EBF3: variants seen among roughly 807,000 people sequenced by gnomAD.
EBF3 encodes the protein EBF transcription factor 3.
A neutral mutation model predicts 77.1 loss-of-function variants in EBF3; 18 were observed. That is an observed-to-expected ratio of 0.23 (90% confidence interval 0.16 to 0.35). The LOEUF (loss-of-function observed/expected upper bound fraction) is 0.35. Ranked by LOEUF, EBF3 falls within the 10% of genes least tolerant of loss-of-function variation. EBF3 has a pLI of 1.00. For missense variants in EBF3, 558 were observed against 860.0 expected, an observed-to-expected ratio of 0.65 and a Z score of 4.39; for synonymous variants, 350 against 343.5, an observed-to-expected ratio of 1.02 and a Z score of -0.21.
chr10:129,870,750 A>C lies in EBF3; in HGVS notation c.781+2702T>G, dbSNP rs1242982197. Among the ~76,000 whole-genome samples the C allele has an allele frequency of 6.6e-6, 1 of 152,150 alleles. No homozygotes were observed. Among genetic ancestry groups the C allele is most frequent in the Non-Finnish European group, 1.5e-5 (1 of 68,040 alleles). On this transcript the variant is annotated intron_variant, in intron 8 of 16. Transcript: ENST00000440978. This position sits in a 1 kb window ranked among gnomAD's most constrained non-coding sequence, Gnocchi z 4.4. ...GCATGTCAAAACGGGAGCGTGACTC[A>C]ACTTGGAAACCCGTGTTGGAGACCC...
intron 7 of EBF3, among the ~76,000 whole-genome samples, chr10:129,877,481 C>CAAAAAA (rs10541156): frequency 2.6e-5 from 2 of 77,248 alleles, no homozygotes; most frequent in Non-Finnish European, 4.8e-5. Flanking sequence ...ACTCTGTCTC[C>CAAAAAA]AAAAAAAAAA....
Position 129,841,551 on chromosome 10 carries a change from A to G in EBF3, c.1373-519T>C, listed in dbSNP as rs1590036142. On this transcript the variant is annotated intron_variant, in intron 13 of 16. Transcript: ENST00000440978. The surrounding 1 kb of genome is among the most constrained non-coding windows in gnomAD (Gnocchi z 4.6). ...TGGATGGACGGGAACAAAATCAGCAATAGTATGGGTGAGGTGTTTTCTAAG... is the reference window on the plus strand; with the variant it reads ...TGGATGGACGGGAACAAAATCAGCAGTAGTATGGGTGAGGTGTTTTCTAAG... Among the ~76,000 whole-genome samples, 3 of 152,172 alleles carry G rather than the reference A, an allele frequency of 2.0e-5. No individual in the cohort carries two copies. Among genetic ancestry groups the G allele is most frequent in the African/African-American group, 7.2e-5 (3 of 41,436 alleles).
chr10:129,947,919 C>A lies in EBF3; in HGVS notation c.554+9339G>T, dbSNP rs1268756157. On this transcript the variant is annotated intron_variant, in intron 6 of 16. Transcript: ENST00000440978. The surrounding 1 kb of genome is among the most constrained non-coding windows in gnomAD (Gnocchi z 4.5). Reference sequence around the variant, plus strand: ...GTATTATCGGTGAGCTAAAAAGTCACAAGAAGACATGCAGGAAACTTAAAT... The same window carrying A: ...GTATTATCGGTGAGCTAAAAAGTCAAAAGAAGACATGCAGGAAACTTAAAT... Among the ~76,000 whole-genome samples, 6 of 152,014 alleles carry A rather than the reference C, an allele frequency of 3.9e-5. No homozygotes were observed. In the East Asian group the frequency reaches 1.2e-3, roughly 29 times the overall value.
At chr10:129,849,889 G>A (rs1053311149) in intron 10 of EBF3, among the ~76,000 whole-genome samples, 2 of 152,224 alleles carry the variant, frequency 1.3e-5, no homozygotes, top group South Asian at 2.1e-4. Context: ...CTAACTCTCT[G>A]TGATGTAAAT....
At chr10:129,903,435 T>C (rs747488804) in intron 6 of EBF3, among the ~76,000 whole-genome samples, 9 of 152,228 alleles carry the variant, frequency 5.9e-5, no homozygotes, top group Non-Finnish European at 1.2e-4. Flanking sequence ...TAGCATTCCA[T>C]AAGCACCTGT....
chr10:129,910,400 G>GCA (rs150604054), intron 6 of EBF3, among the ~76,000 whole-genome samples: 15 of 151,940 alleles, frequency 9.9e-5, no homozygotes, highest in African/African-American at 3.1e-4. Context: ...CTATGTGTAT[G>GCA]CACACACACA....
At chr10:129,843,495 A>G in intron 11 of EBF3, 1 of 363,866 alleles carries the variant, frequency 2.7e-6, no homozygotes, top group Non-Finnish European at 5.1e-6. Flanking sequence ...GAACGAGCCC[A>G]ATCCGTGCCT....
rs1417074664 is a variant in EBF3 at position 129,841,890 on chromosome 10, G to A, written c.1372+226C>T. 6.6e-6 allele frequency among the ~76,000 whole-genome samples: 1 copy of A among 152,202 alleles called. No individual in the cohort carries two copies. Among genetic ancestry groups the A allele is most frequent in the African/African-American group, 2.4e-5 (1 of 41,464 alleles). On this transcript the variant is annotated intron_variant, in intron 13 of 16. Transcript: ENST00000440978. This position sits in a 1 kb window ranked among gnomAD's most constrained non-coding sequence, Gnocchi z 4.6. Reference sequence around the variant, plus strand: ...ACCAGTGACCCGCATGGCATCCATTGGAGCTGCCGTTTTTAGTAACTGGGC... The same window carrying A: ...ACCAGTGACCCGCATGGCATCCATTAGAGCTGCCGTTTTTAGTAACTGGGC...
chr10:129,848,397 G>C lies in EBF3; in HGVS notation c.1123C>G (p.Pro375Ala), dbSNP rs976133266. The C allele has an allele frequency of 6.2e-7, 1 of 1,614,034 alleles. No homozygotes were observed. Among genetic ancestry groups the C allele is most frequent in the Non-Finnish European group, 8.5e-7 (1 of 1,180,028 alleles). Residue 375 changes from proline (P) to alanine (A), a missense_variant, in exon 11 of 17, where the codon CCC becomes GCC. Transcript: ENST00000440978. This position sits in a 1 kb window ranked among gnomAD's most constrained non-coding sequence, Gnocchi z 4.4. The part of the protein sequence containing the change: ...PRHPGDPERL[P>A]KEVLLKRAAD... ...CCACTTGCTCTTTTACTAACCTTGG[G>C]TAACCTTTCGGGATCACCCGGATGT...
At chr10:129,851,690 C>T (rs771600972) in intron 10 of EBF3, among the ~76,000 whole-genome samples, 6 of 152,098 alleles carry the variant, frequency 3.9e-5, no homozygotes, top group East Asian at 1.9e-4. Flanking sequence ...AATTTTGCTA[C>T]GATGGGTTGC....
intron 10 of EBF3, among the ~76,000 whole-genome samples, chr10:129,849,105 G>A (rs1850672696): frequency 6.6e-6 from 1 of 152,190 alleles, no homozygotes; most frequent in South Asian, 2.1e-4. Context: ...TTTTGACTAT[G>A]AACTGTGCGC....
At chr10:129,921,263 T>C (rs74385115) in intron 6 of EBF3, among the ~76,000 whole-genome samples, 4 of 152,040 alleles carry the variant, frequency 2.6e-5, no homozygotes, top group African/African-American at 7.2e-5. Context: ...GCGGGGGTGG[T>C]CACTGCAGTG....
Position 129,963,707 on chromosome 10 carries a change from C to G in EBF3, c.62G>C (p.Gly21Ala). 4 of 1,535,536 alleles carry G rather than the reference C, an allele frequency of 2.6e-6. No homozygotes were observed. Among genetic ancestry groups the G allele is most frequent in the Non-Finnish European group, 3.5e-6 (4 of 1,135,468 alleles). ...CGAGCGCACCGGGTTCATGCCGCTG[C>G]CCAGCGGCTCCTCCTTCATGGTCGT... ...GGTTMKEEPL[G>A]SGMNPVRSWM... The change falls in exon 1 of 17, where the codon GGC becomes GCC. Residue 21 changes from glycine to alanine, a missense_variant. Transcript: ENST00000440978. This position sits in a 1 kb window ranked among gnomAD's most constrained non-coding sequence, Gnocchi z 7.1.
rs373365079 is a variant in EBF3, at chr10:129,869,291, T to C, written c.782-1379A>G. 3.3e-5 allele frequency among the ~76,000 whole-genome samples: 5 copies of C among 152,280 alleles called. No homozygotes were observed. The East Asian group carries it at 5.8e-4, about 18-fold the overall frequency. ...AGGCCCGAGGAGTACCCTTGCTGTTTTGGTGCCCTTCCGTCGCTCACAGCA... is the reference window on the plus strand; with the variant it reads ...AGGCCCGAGGAGTACCCTTGCTGTTCTGGTGCCCTTCCGTCGCTCACAGCA... On this transcript the variant is annotated intron_variant, in intron 8 of 16. Transcript: ENST00000440978.
intron 6 of EBF3, among the ~76,000 whole-genome samples, chr10:129,917,651 C>CAAAAAAAAAAAAAGAAAAAAAA (rs1855975007): frequency 4.2e-5 from 1 of 23,596 alleles, no homozygotes; most frequent in Non-Finnish European, 7.0e-5. Context: ...GACCCTGCCT[C>CAAAAAAAAAAAAAGAAAAAAAA]AAAAAAAAAA....
rs1221028630 is a variant in EBF3, at chr10:129,947,449, C to T, written c.554+9809G>A. Among the ~76,000 whole-genome samples, 1 of 152,090 alleles carries T rather than the reference C, an allele frequency of 6.6e-6. No homozygotes were observed. Among genetic ancestry groups the T allele is most frequent in the Non-Finnish European group, 1.5e-5 (1 of 68,034 alleles). On this transcript the variant is annotated intron_variant, in intron 6 of 16. Coordinates refer to ENST00000440978, the MANE Select transcript of EBF3 (RefSeq NM_001375380.1). This position sits in a 1 kb window ranked among gnomAD's most constrained non-coding sequence, Gnocchi z 4.5. Reference sequence around the variant, plus strand: ...CTTTAATTTATTAAACCAAAAAAGCCAACAACTGCACTGAATGCTGAATTC... The same window carrying T: ...CTTTAATTTATTAAACCAAAAAAGCTAACAACTGCACTGAATGCTGAATTC...
chr10:129,936,560 C>A (rs114899827), intron 6 of EBF3, among the ~76,000 whole-genome samples: 2,322 of 150,168 alleles, frequency 0.015, 57 homozygotes, highest in African/African-American at 0.052. Context: ...GGGGGACCCT[C>A]AGCTATGTGG....
Position 129,864,690 on chromosome 10 carries a change from C to T in EBF3, c.1039+2451G>A, listed in dbSNP as rs1366645213. The stretch of plus-strand genomic sequence containing the variant: ...AAGTCAGTCTTGCCACATGCAAACA[C>T]ATGTCACTTTCATGTCACAAACCAG... On this transcript the variant is annotated intron_variant, in intron 10 of 16. Transcript: ENST00000440978. The surrounding 1 kb of genome is among the most constrained non-coding windows in gnomAD (Gnocchi z 4.4). Among the ~76,000 whole-genome samples the T allele has an allele frequency of 6.6e-6, 1 of 152,194 alleles. No homozygotes were observed. The highest frequency in any genetic ancestry group is 2.4e-5 in the African/African-American group (1 of 41,442).
At position 129,859,800 on chromosome 10, in the gene EBF3, T is replaced by G. The variant is rs372871208; in HGVS notation, c.1039+7341A>C. Among the ~76,000 whole-genome samples, 11 of 152,352 alleles carry G rather than the reference T, an allele frequency of 7.2e-5. No homozygotes were observed. In the East Asian group the frequency reaches 2.1e-3, roughly 29 times the overall value. ...TGGGCTGTTAGCACTGGGCCTGATG[T>G]CCAGCCGTGTAGATTTGGTGGGAGG... On this transcript the variant is annotated intron_variant, in intron 10 of 16. Coordinates refer to ENST00000440978, the MANE Select transcript of EBF3 (RefSeq NM_001375380.1).
Sources: gnomAD v4.1 joint callset for allele counts (sites outside exome capture counted in the v4.1 genomes callset) on GRCh38, gnomAD v4.1.1 for gene constraint, Gnocchi (gnomAD v3.1) non-coding constraint, MANE v1.5 for transcripts, NCBI Gene and HGNC (gene_info 2026-07-23, HGNC 2026-07-21) for gene names.